The following CTNND2 variants were observed in gnomAD, a reference collection of about 807,000 sequenced individuals.
CTNND2 encodes catenin delta 2, also known as catenin delta-2.
Under a neutral mutation model 144.4 loss-of-function variants are expected in CTNND2, and 22 were observed. The ratio of observed to expected loss-of-function variants is 0.15; its 90% confidence interval spans 0.11 to 0.22. The LOEUF (loss-of-function observed/expected upper bound fraction) is 0.22, where lower values mean the gene tolerates loss of function less well. CTNND2 is among the 10% of genes least tolerant of loss of function. CTNND2 has a pLI of 1.00. For synonymous variants in CTNND2, 751 were observed against 695.6 expected (o/e 1.08, Z -1.25); for missense variants, 1,353 against 1,618.8 (o/e 0.84, Z 2.82).
At chr5:11,493,619 A>G (rs1452043599) in intron 3 of CTNND2, among the ~76,000 whole-genome samples, 1 of 152,220 alleles carries the variant, frequency 6.6e-6, no homozygotes, top group Non-Finnish European at 1.5e-5. Context: ...GAAGTCATGT[A>G]TACTGGGCTG....
chr5:11,145,838 CCT>C (rs918935495), intron 12 of CTNND2, among the ~76,000 whole-genome samples: 8 of 152,266 alleles, frequency 5.3e-5, no homozygotes, highest in Middle Eastern at 3.4e-3. Flanking sequence ...AGGCCTTTCC[CCT>C]CTCTGTCCCT....
At chr5:11,412,175 T>C in intron 3 of CTNND2, 106 bp from the exon 4 acceptor site, 3 of 753,034 alleles carry the variant, frequency 4.0e-6, no homozygotes, top group South Asian at 3.4e-5. Context: ...AGTGGCCCCG[T>C]TGCATTTCCT....
chr5:11,668,879 C>T (rs750364406), intron 2 of CTNND2, among the ~76,000 whole-genome samples: 4 of 152,078 alleles, frequency 2.6e-5, no homozygotes, highest in Non-Finnish European at 5.9e-5. Context: ...TTTGACCATT[C>T]AGTATGATAG....
At chr5:11,422,327 T>A (rs542409864) in intron 3 of CTNND2, among the ~76,000 whole-genome samples, 1 of 152,350 alleles carries the variant, frequency 6.6e-6, no homozygotes, top group South Asian at 2.1e-4. Context: ...TCAGGATGTC[T>A]TTCCTGGCAA....
At chr5:11,042,883 C>G (rs1469168266) in intron 16 of CTNND2, among the ~76,000 whole-genome samples, 1 of 152,140 alleles carries the variant, frequency 6.6e-6, no homozygotes, top group Non-Finnish European at 1.5e-5. Context: ...GGTGCCTGAA[C>G]TTTTCCAGAT....
intron 21 of CTNND2, among the ~76,000 whole-genome samples, chr5:10,978,317 G>A (rs1050678337): frequency 1.4e-4 from 21 of 152,212 alleles, no homozygotes; most frequent in Non-Finnish European, 2.1e-4. Flanking sequence ...CCGGAAGAGA[G>A]TGAAAACATG....
chr5:11,751,669 A>G (rs1486387610), intron 1 of CTNND2, among the ~76,000 whole-genome samples: 1 of 151,790 alleles, frequency 6.6e-6, no homozygotes, highest in African/African-American at 2.4e-5. Context: ...CGTTTTTGCT[A>G]TTGTGAACAG....
At chr5:11,226,815 C>T (rs1323892132) in intron 10 of CTNND2, among the ~76,000 whole-genome samples, 1 of 152,204 alleles carries the variant, frequency 6.6e-6, no homozygotes, top group Non-Finnish European at 1.5e-5. Context: ...TCCCCCTACT[C>T]ATGGGGGTCT....
chr5:11,167,992 C>T (rs2149782203), intron 11 of CTNND2, among the ~76,000 whole-genome samples: 1 of 152,014 alleles, frequency 6.6e-6, no homozygotes, highest in African/African-American at 2.4e-5. Flanking sequence ...AGGCAGGAGC[C>T]ACTATGCCTG....
At chr5:11,103,605 G>A (rs1463371588) in intron 14 of CTNND2, among the ~76,000 whole-genome samples, 1 of 151,996 alleles carries the variant, frequency 6.6e-6, no homozygotes, top group Non-Finnish European at 1.5e-5. Flanking sequence ...AGGAGGTGGA[G>A]TTTGCAGTGG....
At chr5:11,355,690 G>C in intron 8 of CTNND2, among the ~76,000 whole-genome samples, 1 of 152,044 alleles carries the variant, frequency 6.6e-6, no homozygotes, top group Admixed American at 6.6e-5. Flanking sequence ...AGAGTGATTA[G>C]GCAAGAAACA....
At chr5:11,422,425 C>T (rs546705946) in intron 3 of CTNND2, among the ~76,000 whole-genome samples, 10 of 152,152 alleles carry the variant, frequency 6.6e-5, no homozygotes, top group African/African-American at 1.4e-4. Context: ...ACTAAATTGC[C>T]GCTATTAATT....
Position 11,565,063 on chromosome 5 carries a change from G to C in CTNND2, c.175-7C>G. On this transcript the variant is annotated splice_region_variant and splice_polypyrimidine_tract_variant and intron_variant, in intron 2 of 21. Transcript: ENST00000304623. Reference sequence around the variant, plus strand: ...GCCTTTCAAACTGTAATTCCTGAAAGAAACCCATCAACAAGATCAATTCAA... The same window carrying C: ...GCCTTTCAAACTGTAATTCCTGAAACAAACCCATCAACAAGATCAATTCAA... 6.2e-7 allele frequency: 1 copy of C among 1,603,070 alleles called. No homozygotes were observed. The highest frequency in any genetic ancestry group is 1.3e-5 in the African/African-American group (1 of 74,840).
At position 11,732,151 on chromosome 5, in the gene CTNND2, G is replaced by A; in HGVS notation, c.159C>T (p.Ala53=). The A allele has an allele frequency of 6.2e-7, 1 of 1,613,690 alleles. No homozygotes were observed. Among genetic ancestry groups the A allele is most frequent in the South Asian group, 1.1e-5 (1 of 91,048 alleles). The change falls in exon 2 of 22, where the codon GCC becomes GCT. Residue 53 remains alanine, a synonymous_variant. Coordinates refer to ENST00000304623, the MANE Select transcript of CTNND2 (RefSeq NM_001332.4). ...ATGTTTCTACCTGTTCTTTGACTGA[G>A]GCGAGGATGGCAGAGGTGGTTTCTG... ...SETETTSAIL[A]SVKEQELQFE...
chr5:11,258,582 G>A (rs193223169), intron 9 of CTNND2, among the ~76,000 whole-genome samples: 1 of 152,002 alleles, frequency 6.6e-6, no homozygotes, highest in East Asian at 1.9e-4. Context: ...GGTAAGTTTC[G>A]CTTTGTCTAC....
At chr5:11,656,985 G>A (rs527550309) in intron 2 of CTNND2, among the ~76,000 whole-genome samples, 1 of 152,126 alleles carries the variant, frequency 6.6e-6, no homozygotes, top group Non-Finnish European at 1.5e-5. Context: ...AGTTAGGGCT[G>A]TTGTCTGAAA....
chr5:11,094,659 T>A (rs1751149275), intron 15 of CTNND2, among the ~76,000 whole-genome samples: 2 of 152,140 alleles, frequency 1.3e-5, no homozygotes, highest in Non-Finnish European at 2.9e-5. Flanking sequence ...TTTGTATTTT[T>A]AATAGAGACA....
chr5:11,462,337 G>A (rs888246370), intron 3 of CTNND2, among the ~76,000 whole-genome samples: 2 of 152,154 alleles, frequency 1.3e-5, no homozygotes, highest in African/African-American at 4.8e-5. Context: ...GCCTGGCCTG[G>A]CTTTCTGGCC....
At chr5:11,540,772 T>C (rs150204385) in intron 3 of CTNND2, among the ~76,000 whole-genome samples, 1 of 152,208 alleles carries the variant, frequency 6.6e-6, no homozygotes, top group East Asian at 1.9e-4. Flanking sequence ...AGCCTACCAA[T>C]CATGTTGCAG....
Sources: gnomAD v4.1 joint callset for allele counts (sites outside exome capture counted in the v4.1 genomes callset) on GRCh38, gnomAD v4.1.1 for gene constraint, MANE v1.5 for transcripts, NCBI Gene and HGNC (gene_info 2026-07-23, HGNC 2026-07-21) for gene names.